ACADM: variants seen among roughly 807,000 people sequenced by gnomAD.
ACADM encodes medium-chain specific acyl-CoA dehydrogenase, mitochondrial.
In ACADM, 49 loss-of-function variants were observed where a neutral mutation model predicts 58.9. That is an observed-to-expected ratio of 0.83 (90% CI 0.66 to 1.06). The LOEUF is 1.06. Ranked by LOEUF, ACADM falls within the 50% of genes least tolerant of loss-of-function variation. The pLI is 0.00. For missense variants in ACADM, 496 were observed against 507.0 expected, an observed-to-expected ratio of 0.98 and a Z score of 0.21; for synonymous variants, 160 against 157.7, an observed-to-expected ratio of 1.01 and a Z score of -0.11.
At position 75,757,107 on chromosome 1, in the gene ACADM, A is replaced by G. The variant is rs555992151; in HGVS notation, c.946-4015A>G. 3.3e-5 allele frequency among the ~76,000 whole-genome samples: 5 copies of G among 152,360 alleles called. No homozygotes were observed. In the East Asian group the frequency reaches 7.7e-4, roughly 23 times the overall value. On this transcript the variant is annotated intron_variant, in intron 10 of 11. Coordinates refer to ENST00000370841, the MANE Select transcript of ACADM (RefSeq NM_000016.6). ...TTAGACCTAAAACCATAAGAACCCTAGAAGAAAACCTAGGCAGTACCATTC... is the reference window on the plus strand; with the variant it reads ...TTAGACCTAAAACCATAAGAACCCTGGAAGAAAACCTAGGCAGTACCATTC...
At chr1:75,724,938 G>A in intron 1 of ACADM, 121 bp downstream of exon 1, 1 of 1,093,172 alleles carries the variant, frequency 9.1e-7, no homozygotes, top group Non-Finnish European at 1.2e-6. Flanking sequence ...TGAGGAAGGA[G>A]CCAGCCTAGG....
rs749692458 is a variant in ACADM at position 75,749,466 on chromosome 1, C to T, written c.756C>T (p.Phe252=). The T allele has an allele frequency of 2.3e-5, 37 of 1,613,810 alleles. No individual in the cohort carries two copies. Among genetic ancestry groups the T allele is most frequent in the African/African-American group, 4.0e-5 (3 of 74,868 alleles). ...GTTCAGATACTAGAGGAATTGTCTT[C>T]GAAGATGTGAAAGTGCCTAAAGAAA... ...QRCSDTRGIV[F]EDVKVPKENV... is the part of the protein sequence containing the mutation. The change falls in exon 9 of 12, where the codon TTC becomes TTT. Residue 252 remains phenylalanine, a synonymous_variant. Coordinates refer to ENST00000370841, the MANE Select transcript of ACADM (RefSeq NM_000016.6).
At chr1:75,761,071 T>C in intron 10 of ACADM, 51 bp from the exon 11 acceptor site, 1 of 1,563,130 alleles carries the variant, frequency 6.4e-7, no homozygotes. Flanking sequence ...AGGAAAAAAC[T>C]TTTAAGTTTT....
intron 7 of ACADM, chr1:75,744,445 G>A: frequency 1.3e-6 from 2 of 1,521,616 alleles, no homozygotes; most frequent in Non-Finnish European, 1.8e-6. Flanking sequence ...CTGCACCAAT[G>A]TCTTGTCAGT....
chr1:75,747,405 G>A (rs1008935453), intron 8 of ACADM, among the ~76,000 whole-genome samples: 1 of 152,102 alleles, frequency 6.6e-6, no homozygotes, highest in Non-Finnish European at 1.5e-5. Context: ...TTACTTTCTG[G>A]TGAGTGATAG....
At chr1:75,752,042 G>A (rs1648236594) in intron 10 of ACADM, among the ~76,000 whole-genome samples, 1 of 148,714 alleles carries the variant, frequency 6.7e-6, no homozygotes, top group South Asian at 2.1e-4. Flanking sequence ...AAATGCGAGT[G>A]CAATGGTGCA....
At chr1:75,746,834 A>G (rs1647930955) in intron 8 of ACADM, among the ~76,000 whole-genome samples, 1 of 152,098 alleles carries the variant, frequency 6.6e-6, no homozygotes, top group Non-Finnish European at 1.5e-5. Context: ...CCTGGGCTCA[A>G]GCAATCCTCC....
At chr1:75,753,795 C>CTTTTTTTTTTTTTTGTTTTTTTTTTTTTT (rs1648336330) in intron 10 of ACADM, among the ~76,000 whole-genome samples, 1 of 81,930 alleles carries the variant, frequency 1.2e-5, no homozygotes, top group African/African-American at 6.1e-5. Context: ...CTGATAGCTT[C>CTTTTTTTTTTTTTTGTTTTTTTTTTTTTT]TTTTTTTTTT....
chr1:75,735,590 C>T (rs764017259), intron 6 of ACADM, among the ~76,000 whole-genome samples: 1 of 152,088 alleles, frequency 6.6e-6, no homozygotes, highest in Admixed American at 6.6e-5. Flanking sequence ...TGGTGGCTCA[C>T]GCCTGTAATC....
intron 7 of ACADM, among the ~76,000 whole-genome samples, chr1:75,740,783 G>GA (rs1358639686): frequency 6.6e-6 from 1 of 152,044 alleles, no homozygotes; most frequent in Non-Finnish European, 1.5e-5. Flanking sequence ...ATCAAATAGA[G>GA]AAAAAATGGT....
At chr1:75,728,370 A>C in intron 1 of ACADM, 31 bp from the exon 2 acceptor site, 1 of 1,571,034 alleles carries the variant, frequency 6.4e-7, no homozygotes, top group African/African-American at 1.4e-5. Flanking sequence ...TTAACTTATC[A>C]AATTTATTTT....
chr1:75,743,141 G>T (rs1647672101), intron 7 of ACADM, among the ~76,000 whole-genome samples: 1 of 151,298 alleles, frequency 6.6e-6, no homozygotes, highest in Admixed American at 6.6e-5. Context: ...GCTGATGGAA[G>T]AAAGGCAGGA....
At chr1:75,724,858 G>C (rs1647022483) in intron 1 of ACADM, 41 bp downstream of exon 1, 1 of 1,410,776 alleles carries the variant, frequency 7.1e-7, no homozygotes, top group Non-Finnish European at 9.3e-7. Context: ...TGGAACATGG[G>C]TATTGTGGTG....
At chr1:75,726,791 ACTGTTTC>A (rs1647063918) in intron 1 of ACADM, among the ~76,000 whole-genome samples, 2 of 148,456 alleles carry the variant, frequency 1.3e-5, no homozygotes, top group South Asian at 2.1e-4. Context: ...CACCAGAGAA[ACTGTTTC>A]ACTTTTTTTT....
intron 9 of ACADM, among the ~76,000 whole-genome samples, chr1:75,750,074 A>G (rs1254094377): frequency 2.6e-5 from 4 of 152,152 alleles, no homozygotes; most frequent in African/African-American, 9.7e-5. Flanking sequence ...CATTATAGAA[A>G]TTATTTTAGC....
intron 7 of ACADM, chr1:75,744,547 G>T: frequency 6.7e-7 from 1 of 1,493,864 alleles, no homozygotes; most frequent in Non-Finnish European, 9.3e-7. Context: ...TTCTGCAAAC[G>T]CTGGGGTTTT....
At chr1:75,727,547 A>G (rs1250876) in intron 1 of ACADM, among the ~76,000 whole-genome samples, 99,926 of 152,026 alleles carry the variant, frequency 0.66, 32,955 homozygotes, top group East Asian at 0.72. Context: ...TATCCATTAA[A>G]CTGTCATGAA....
At chr1:75,730,446 A>T (rs747098171) in intron 2 of ACADM, among the ~76,000 whole-genome samples, 2 of 152,112 alleles carry the variant, frequency 1.3e-5, no homozygotes, top group Non-Finnish European at 2.9e-5. Context: ...TTCTATGAAG[A>T]TTAAATTATA....
intron 2 of ACADM, among the ~76,000 whole-genome samples, chr1:75,731,177 G>A (rs907358010): frequency 6.0e-5 from 9 of 150,930 alleles, no homozygotes; most frequent in South Asian, 2.1e-4. Flanking sequence ...TGCTCAGGAG[G>A]CTGAGACAGG....
Sources: allele counts gnomAD v4.1 joint callset (sites outside exome capture counted in the v4.1 genomes callset), GRCh38; gene constraint gnomAD v4.1.1; transcripts MANE v1.5; gene names NCBI Gene and HGNC (gene_info 2026-07-23, HGNC 2026-07-21).